Variants in HYCC2 observed in about 807,000 individuals in gnomAD.
HYCC2 encodes the protein hyccin PI4KA lipid kinase complex subunit 2.
the HYCC2 span, among the ~76,000 whole-genome samples, chr2:201,038,563 A>G: frequency 6.6e-6 from 1 of 152,264 alleles, no homozygotes; most frequent in Non-Finnish European, 1.5e-5. Flanking sequence ...CTATGCAGCC[A>G]TAAAAAAGGA....
the HYCC2 span, among the ~76,000 whole-genome samples, chr2:201,028,093 A>G: frequency 6.6e-6 from 1 of 152,222 alleles, no homozygotes; most frequent in Non-Finnish European, 1.5e-5. Context: ...AATCTCCTTA[A>G]GCTGATAAGC....
chr2:201,054,042 C>T, the HYCC2 span, among the ~76,000 whole-genome samples: 1 of 152,082 alleles, frequency 6.6e-6, no homozygotes, highest in African/African-American at 2.4e-5. Flanking sequence ...ATGAGATGTC[C>T]ATAAAAGACT....
chr2:201,053,690 C>T, the HYCC2 span, among the ~76,000 whole-genome samples: 3 of 152,176 alleles, frequency 2.0e-5, no homozygotes, highest in Admixed American at 1.3e-4. Context: ...CCAAGCCGGG[C>T]GTGGTGGCTC....
the HYCC2 span, among the ~76,000 whole-genome samples, chr2:201,047,890 CA>C: frequency 0.017 from 1,136 of 67,926 alleles, 11 homozygotes; most frequent in African/African-American, 0.04. Flanking sequence ...TTAAAATTTG[CA>C]AAAAAAAAAA....
At chr2:201,046,765 A>G in the HYCC2 span, among the ~76,000 whole-genome samples, 1 of 152,222 alleles carries the variant, frequency 6.6e-6, no homozygotes, top group African/African-American at 2.4e-5. Flanking sequence ...AGACAACCCT[A>G]AAATAGCTCA....
chr2:201,038,675 T>C, the HYCC2 span, among the ~76,000 whole-genome samples: 1 of 151,584 alleles, frequency 6.6e-6, no homozygotes, highest in Non-Finnish European at 1.5e-5. Context: ...TTCTCACTCA[T>C]AGGTGGGAAT....
the HYCC2 span, among the ~76,000 whole-genome samples, chr2:201,002,139 A>G: frequency 5.9e-5 from 9 of 152,072 alleles, no homozygotes; most frequent in African/African-American, 1.9e-4. Flanking sequence ...ACACAGCTCA[A>G]TAAGAAAAAT....
the HYCC2 span, among the ~76,000 whole-genome samples, chr2:201,033,095 T>C: frequency 3.0e-4 from 45 of 151,750 alleles, no homozygotes; most frequent in African/African-American, 1.0e-3. Flanking sequence ...CCATTTTTTT[T>C]CAAATGTTCT....
At chr2:201,071,554 G>T in the HYCC2 span, 1 of 152,710 alleles carries the variant, frequency 6.5e-6, no homozygotes, top group African/African-American at 2.4e-5. Context: ...CGAAGGAGAA[G>T]AAAACCCCTC....
the HYCC2 span, chr2:200,981,249 A>G: frequency 6.2e-7 from 1 of 1,605,080 alleles, no homozygotes; most frequent in Non-Finnish European, 8.5e-7. This position sits in a 1 kb window ranked among gnomAD's most constrained non-coding sequence, Gnocchi z 4.5. Context: ...GTAAGCAGAA[A>G]GATGAGGGAG....
chr2:200,992,616 C>T, the HYCC2 span, among the ~76,000 whole-genome samples: 2 of 152,094 alleles, frequency 1.3e-5, no homozygotes, highest in African/African-American at 2.4e-5. Flanking sequence ...GTAATCTTTT[C>T]AATGCGTTCA....
the HYCC2 span, among the ~76,000 whole-genome samples, chr2:201,029,414 C>T: frequency 6.2e-4 from 95 of 152,100 alleles, 1 homozygote; most frequent in Non-Finnish European, 3.4e-4. Context: ...TTTGACCCAG[C>T]GATTCTATTA....
At chr2:201,044,480 T>C in the HYCC2 span, among the ~76,000 whole-genome samples, 1 of 152,202 alleles carries the variant, frequency 6.6e-6, no homozygotes, top group South Asian at 2.1e-4. Context: ...AAGAACTACT[T>C]GCAGGGAAGA....
the HYCC2 span, chr2:201,023,994 G>C: frequency 6.8e-6 from 11 of 1,612,980 alleles, no homozygotes; most frequent in Non-Finnish European, 9.3e-6. Context: ...ACAACACAAC[G>C]GTCAGTTCCC....
the HYCC2 span, among the ~76,000 whole-genome samples, chr2:201,037,145 T>G: frequency 6.6e-6 from 1 of 152,182 alleles, no homozygotes; most frequent in South Asian, 2.1e-4. Flanking sequence ...CCATTCACAA[T>G]TGCTTCAAAG....
At chr2:201,006,933 G>A in the HYCC2 span, among the ~76,000 whole-genome samples, 331 of 152,268 alleles carry the variant, frequency 2.2e-3, 1 homozygote, top group Non-Finnish European at 3.4e-3. Flanking sequence ...TGCTGCACAA[G>A]TTTACCACAA....
the HYCC2 span, among the ~76,000 whole-genome samples, chr2:201,020,136 C>T: frequency 1.1e-3 from 168 of 152,190 alleles, no homozygotes; most frequent in African/African-American, 3.9e-3. Context: ...AAGCATATGT[C>T]TCATAGCAAG....
the HYCC2 span, among the ~76,000 whole-genome samples, chr2:201,062,475 C>G: frequency 3.9e-5 from 6 of 152,162 alleles, no homozygotes; most frequent in African/African-American, 1.4e-4. Context: ...GGTGAAACCC[C>G]GTCTTTAATA....
At chr2:201,012,367 G>A in the HYCC2 span, among the ~76,000 whole-genome samples, 3 of 151,610 alleles carry the variant, frequency 2.0e-5, no homozygotes, top group African/African-American at 4.8e-5. Context: ...AGGCTGAGGT[G>A]GGAGGATCCC....
Sources: allele counts gnomAD v4.1 joint callset (sites outside exome capture counted in the v4.1 genomes callset), GRCh38; gene constraint gnomAD v4.1.1; non-coding constraint Gnocchi (gnomAD v3.1); transcripts MANE v1.5; gene names NCBI Gene and HGNC (gene_info 2026-07-23, HGNC 2026-07-21).